Variants in SCNN1B observed in about 807,000 individuals in gnomAD.
The protein encoded by SCNN1B is epithelial sodium channel subunit beta.
Under a neutral mutation model 65.3 loss-of-function variants are expected in SCNN1B, and 46 were observed. That is an observed-to-expected ratio of 0.70 (90% CI 0.56 to 0.90). SCNN1B has a LOEUF of 0.90. SCNN1B is among the 40% of genes least tolerant of loss of function. The pLI, the probability that SCNN1B is intolerant of heterozygous loss-of-function variation, is 0.00. For synonymous variants in SCNN1B, 349 were observed against 330.6 expected (o/e 1.06, Z -0.60); for missense variants, 751 against 830.5 (o/e 0.90, Z 1.18).
intron 2 of SCNN1B, 67 bp from the exon 3 acceptor site, chr16:23,352,734 C>G (rs1962335217): frequency 6.4e-7 from 1 of 1,570,240 alleles, no homozygotes; most frequent in Non-Finnish European, 8.8e-7. Context: ...GAGTGGGTCC[C>G]AGATTTCATT....
chr16:23,327,540 GATAATAATA>G (rs148550057), intron 1 of SCNN1B, among the ~76,000 whole-genome samples: 2 of 151,602 alleles, frequency 1.3e-5, no homozygotes, highest in Non-Finnish European at 2.9e-5. Flanking sequence ...TCTCAAAAAT[GATAATAATA>G]ATAATAATAA....
intron 2 of SCNN1B, among the ~76,000 whole-genome samples, chr16:23,292,596 G>A (rs922791784): frequency 2.0e-5 from 3 of 150,668 alleles, no homozygotes; most frequent in South Asian, 2.1e-4. Flanking sequence ...GAATCTCCCC[G>A]GCTCAAGCAA....
At chr16:23,342,613 T>C (rs1347466451) in intron 1 of SCNN1B, among the ~76,000 whole-genome samples, 1 of 152,110 alleles carries the variant, frequency 6.6e-6, no homozygotes, top group Non-Finnish European at 1.5e-5. Flanking sequence ...GAAGAAGAAT[T>C]ATCTTGGGCC....
At chr16:23,305,539 TATATATATATA>T in intron 1 of SCNN1B, among the ~76,000 whole-genome samples, 1 of 23,932 alleles carries the variant, frequency 4.2e-5, no homozygotes, top group Non-Finnish European at 6.1e-5. Context: ...ATATATTATA[TATATATATATA>T]TATATATATA....
intron 5 of SCNN1B, among the ~76,000 whole-genome samples, chr16:23,370,414 C>T (rs1325809137): frequency 6.6e-6 from 1 of 152,140 alleles, no homozygotes; most frequent in Non-Finnish European, 1.5e-5. Context: ...CCAAGGAGCT[C>T]ATGTTTAATG....
At chr16:23,315,308 G>T (rs1961430218) in intron 1 of SCNN1B, among the ~76,000 whole-genome samples, 2 of 152,034 alleles carry the variant, frequency 1.3e-5, no homozygotes, top group African/African-American at 4.8e-5. Flanking sequence ...TTGCACTCCA[G>T]CCTGAGCAAC....
chr16:23,321,089 G>T (rs578170815), intron 1 of SCNN1B, among the ~76,000 whole-genome samples: 1 of 152,138 alleles, frequency 6.6e-6, no homozygotes, highest in Non-Finnish European at 1.5e-5. Context: ...CTGTCGCCCA[G>T]ACTGGAGTGC....
chr16:23,365,575 G>GAAAT (rs1227268038), intron 4 of SCNN1B, among the ~76,000 whole-genome samples: 5 of 85,322 alleles, frequency 5.9e-5, no homozygotes, highest in African/African-American at 4.8e-4. Flanking sequence ...AAGAAAGAAA[G>GAAAT]AAAGAAAGAA....
At chr16:23,321,407 G>T (rs1349336587) in intron 1 of SCNN1B, among the ~76,000 whole-genome samples, 1 of 152,066 alleles carries the variant, frequency 6.6e-6, no homozygotes, top group Admixed American at 6.6e-5. Flanking sequence ...TCCTCTGAAG[G>T]CCCCGCCTGT....
In SCNN1B at chr16:23,380,282, A is replaced by G; in HGVS notation, c.1542+113A>G. 6.7e-7 allele frequency: 1 copy of G among 1,496,950 alleles called. No homozygotes were observed. The highest frequency in any genetic ancestry group is 9.3e-7 in the Non-Finnish European group (1 of 1,075,690). The allele number at this position is 1,496,950 out of a possible 1,614,324, so 92.7% of individuals were successfully genotyped here. A position where few individuals can be genotyped will look rare whatever the true frequency, so the allele number is the denominator to read the frequency against. On this transcript the variant is annotated intron_variant, in intron 12 of 12. Transcript: ENST00000343070. This position sits in a 1 kb window ranked among gnomAD's most constrained non-coding sequence, Gnocchi z 5.4. ...AAGGAATTAGGAAGATCCCTAAGAC[A>G]GTCCCAAGTTATTCCCCTGGGCCAA...
At chr16:23,368,127 G>A (rs1378615356) in intron 5 of SCNN1B, among the ~76,000 whole-genome samples, 168 bp downstream of exon 5, 1 of 152,222 alleles carries the variant, frequency 6.6e-6, no homozygotes, top group Non-Finnish European at 1.5e-5. Flanking sequence ...GGCCAGGCCA[G>A]GCGCTTCCTC....
chr16:23,315,457 G>C (rs1308899198), intron 1 of SCNN1B, among the ~76,000 whole-genome samples: 2 of 152,164 alleles, frequency 1.3e-5, no homozygotes, highest in Non-Finnish European at 2.9e-5. Flanking sequence ...CATTCTGGAG[G>C]CCAAGGGCAC....
At chr16:23,357,899 A>C (rs1962453422) in intron 4 of SCNN1B, among the ~76,000 whole-genome samples, 1 of 152,230 alleles carries the variant, frequency 6.6e-6, no homozygotes, top group African/African-American at 2.4e-5. Context: ...GACTACTGTA[A>C]TGTCCACAAG....
rs1274286439 is a variant in SCNN1B at position 23,380,622 on chromosome 16, G to A, written c.1744G>A (p.Val582Met). ...AGPPPTVAEL[V>M]EAHTNFGFQP... is the part of the protein sequence containing the mutation. Reference sequence around the variant, plus strand: ...CCCACCGCCCACCGTGGCCGAGCTGGTGGAGGCCCACACCAACTTTGGCTT... The same window carrying A: ...CCCACCGCCCACCGTGGCCGAGCTGATGGAGGCCCACACCAACTTTGGCTT... Residue 582 changes from valine to methionine, a missense_variant, in exon 13 of 13, where the codon GTG (valine) becomes ATG (methionine). Coordinates refer to ENST00000343070, the MANE Select transcript of SCNN1B (RefSeq NM_000336.3). This position sits in a 1 kb window ranked among gnomAD's most constrained non-coding sequence, Gnocchi z 5.4. 6.2e-7 allele frequency: 1 copy of A among 1,613,772 alleles called. No individual in the cohort carries two copies. The highest frequency in any genetic ancestry group is 1.1e-5 in the South Asian group (1 of 91,054).
chr16:23,305,088 G>A (rs146922961), intron 1 of SCNN1B, among the ~76,000 whole-genome samples: 1,566 of 152,182 alleles, frequency 0.01, 10 homozygotes, highest in Non-Finnish European at 0.015. Flanking sequence ...TGAGCCCTGA[G>A]CCAAAGAAGA....
chr16:23,327,306 C>T (rs930813362), intron 1 of SCNN1B, among the ~76,000 whole-genome samples: 5 of 151,910 alleles, frequency 3.3e-5, no homozygotes, highest in African/African-American at 1.2e-4. Context: ...CCAAGACAGG[C>T]AGATCACCTG....
chr16:23,352,831 C>A lies in SCNN1B; in HGVS notation c.342C>A (p.Asp114Glu), dbSNP rs1199866385. The A allele has an allele frequency of 1.2e-5, 20 of 1,614,026 alleles. No individual in the cohort carries two copies. The highest frequency in any genetic ancestry group is 1.5e-5 in the Non-Finnish European group (18 of 1,180,042). Residue 114 changes from aspartate (D) to glutamate (E), a missense_variant, in exon 3 of 13, where the codon GAC becomes GAA. Transcript: ENST00000343070. ...CCAAAATCAAGCATTTGCTGAAGGA[C>A]CTGGATGAGCTGATGGAAGCTGTCC... is the stretch of plus-strand genomic sequence containing the variant. Reference protein sequence around the residue: ...KYSKIKHLLKDLDELMEAVLE... With the variant: ...KYSKIKHLLKELDELMEAVLE...
Position 23,378,738 on chromosome 16 carries a change from G to A in SCNN1B, c.1437G>A (p.Arg479=). Residue 479 remains arginine (R), a synonymous_variant, in exon 11 of 13, where the codon CGG becomes CGA. Transcript: ENST00000343070. ...DWIFHVLSQE[R]DQSTNITLSR... ...TTTTCCACGTCTTGTCTCAGGAGCG[G>A]GACCAAAGCACCAATATCACCCTGA... 1 of 1,614,162 alleles carries A rather than the reference G, an allele frequency of 6.2e-7. No individual in the cohort carries two copies. The highest frequency in any genetic ancestry group is 1.3e-5 in the African/African-American group (1 of 75,034).
chr16:23,327,537 A>AATG (rs962025216), intron 1 of SCNN1B, among the ~76,000 whole-genome samples: 5 of 148,902 alleles, frequency 3.4e-5, no homozygotes, highest in Non-Finnish European at 4.4e-5. Flanking sequence ...CCATCTCAAA[A>AATG]ATGATAATAA....
Sources: gnomAD v4.1 joint callset for allele counts (sites outside exome capture counted in the v4.1 genomes callset) on GRCh38, gnomAD v4.1.1 for gene constraint, Gnocchi (gnomAD v3.1) non-coding constraint, MANE v1.5 for transcripts, NCBI Gene and HGNC (gene_info 2026-07-23, HGNC 2026-07-21) for gene names.